Variants in TANC2 observed in about 807,000 individuals in gnomAD.
TANC2 encodes protein TANC2.
Under a neutral mutation model 210.5 loss-of-function variants are expected in TANC2, and 26 were observed. The observed-to-expected ratio is 0.12, with a 90% CI of 0.09 to 0.17. The LOEUF (loss-of-function observed/expected upper bound fraction) is 0.17. Among genes scored for constraint, TANC2 ranks in the 10% least tolerant of loss-of-function variants. The pLI, the probability that TANC2 is intolerant of heterozygous loss-of-function variation, is 1.00. For synonymous variants in TANC2, 931 were observed against 967.1 expected (o/e 0.96, Z 0.69); for missense variants, 2,129 against 2,608.9 (o/e 0.82, Z 4.01).
chr17:63,262,449 T>A (rs1598731377), intron 8 of TANC2, among the ~76,000 whole-genome samples: 1 of 152,164 alleles, frequency 6.6e-6, no homozygotes, highest in East Asian at 1.9e-4. Context: ...CTCAGCCTTC[T>A]TAGTAGCTGG....
chr17:63,051,767 CA>C (rs1362311488), intron 2 of TANC2, among the ~76,000 whole-genome samples: 1 of 152,114 alleles, frequency 6.6e-6, no homozygotes, highest in African/African-American at 2.4e-5. Flanking sequence ...AAACAGTCAA[CA>C]CTTTATTAGA....
chr17:63,031,705 G>C (rs1436491916), intron 2 of TANC2, among the ~76,000 whole-genome samples: 1 of 152,132 alleles, frequency 6.6e-6, no homozygotes. Context: ...TGTGGACCAA[G>C]TAGAGTATTG....
intron 4 of TANC2, among the ~76,000 whole-genome samples, chr17:63,112,421 A>ATGT (rs1323882236): frequency 6.6e-6 from 1 of 152,178 alleles, no homozygotes; most frequent in African/African-American, 2.4e-5. Context: ...ACCAAGAAAA[A>ATGT]TGTCTAACAT....
chr17:63,368,440 G>A (rs1382008984), intron 14 of TANC2, among the ~76,000 whole-genome samples: 1 of 152,202 alleles, frequency 6.6e-6, no homozygotes, highest in Non-Finnish European at 1.5e-5. Context: ...ACTGACAGTA[G>A]AAGCCATAGT....
chr17:63,422,601 T>C (rs1411847273), exon 28 of TANC2: 3 of 152,244 alleles, frequency 2.0e-5, no homozygotes, highest in Non-Finnish European at 4.4e-5. Flanking sequence ...TGTCACTACA[T>C]TGATTTTCCA....
At chr17:63,157,377 G>T (rs947562741) in intron 5 of TANC2, among the ~76,000 whole-genome samples, 4 of 152,172 alleles carry the variant, frequency 2.6e-5, no homozygotes, top group Admixed American at 2.0e-4. Flanking sequence ...AAATCTGAAG[G>T]CTTGGCCTCT....
chr17:63,412,654 C>A lies in TANC2; in HGVS notation c.3899-26C>A. 6.7e-7 allele frequency: 1 copy of A among 1,497,662 alleles called. No homozygotes were observed. Among genetic ancestry groups the A allele is most frequent in the Non-Finnish European group, 8.9e-7 (1 of 1,117,614 alleles). The allele number at this position is 1,497,662 out of a possible 1,614,324, so 92.8% of individuals were successfully genotyped here. On this transcript the variant is annotated intron_variant, in intron 23 of 27. Coordinates refer to ENST00000689528, the Ensembl canonical transcript of TANC2. The surrounding 1 kb of genome is among the most constrained non-coding windows in gnomAD (Gnocchi z 4.2). The stretch of plus-strand genomic sequence containing the variant: ...TCCATTTTTTTTTCCTCTCCTACAA[C>A]TTTTTGTTTTCTCCTTTCTTTGAAG...
intron 3 of TANC2, among the ~76,000 whole-genome samples, chr17:63,074,316 A>G (rs190437291): frequency 1.4e-4 from 21 of 152,246 alleles, no homozygotes; most frequent in African/African-American, 5.1e-4. Flanking sequence ...TTCAACACCA[A>G]CATTTGTTGG....
intron 1 of TANC2, among the ~76,000 whole-genome samples, chr17:62,973,910 C>T (rs4968638): frequency 0.54 from 81,439 of 152,050 alleles, 23,370 homozygotes; most frequent in African/African-American, 0.73. Context: ...AAGAAAGTTC[C>T]ATTGGAACTT....
intron 9 of TANC2, among the ~76,000 whole-genome samples, chr17:63,304,916 T>C (rs535961356): frequency 6.6e-6 from 1 of 152,312 alleles, no homozygotes; most frequent in East Asian, 1.9e-4. Context: ...GACTAAGCCA[T>C]CCATCCTCCC....
At chr17:63,006,275 C>CT (rs1233416860) in intron 1 of TANC2, among the ~76,000 whole-genome samples, 1 of 151,196 alleles carries the variant, frequency 6.6e-6, no homozygotes, top group Non-Finnish European at 1.5e-5. Flanking sequence ...TCATTTTTTT[C>CT]TTTTTACTCT....
At chr17:63,053,375 C>T (rs1211170338) in intron 2 of TANC2, among the ~76,000 whole-genome samples, 7 of 152,232 alleles carry the variant, frequency 4.6e-5, no homozygotes, top group Admixed American at 4.6e-4. Context: ...AATTCTCAAT[C>T]TTCATATTAC....
chr17:63,112,357 A>G (rs772295192), intron 4 of TANC2, among the ~76,000 whole-genome samples: 6 of 152,176 alleles, frequency 3.9e-5, no homozygotes, highest in African/African-American at 7.2e-5. Context: ...TGTTAATCCA[A>G]GGGAATCTAG....
intron 9 of TANC2, among the ~76,000 whole-genome samples, chr17:63,296,525 A>G (rs1427809748): frequency 6.6e-6 from 1 of 152,222 alleles, no homozygotes; most frequent in Non-Finnish European, 1.5e-5. Context: ...ATACACAGAA[A>G]TAGGAAAGTT....
At chr17:63,219,167 A>T (rs573437040) in intron 7 of TANC2, among the ~76,000 whole-genome samples, 1 of 152,226 alleles carries the variant, frequency 6.6e-6, no homozygotes, top group Non-Finnish European at 1.5e-5. Flanking sequence ...TACTGTTAAG[A>T]TGTCAATTCT....
chr17:63,160,677 G>C (rs2039996202), intron 5 of TANC2, among the ~76,000 whole-genome samples: 1 of 152,064 alleles, frequency 6.6e-6, no homozygotes, highest in Non-Finnish European at 1.5e-5. Context: ...CCTTGAAATG[G>C]AATTGATAGA....
intron 7 of TANC2, among the ~76,000 whole-genome samples, chr17:63,222,745 A>G (rs2042228812): frequency 6.6e-6 from 1 of 151,902 alleles, no homozygotes; most frequent in African/African-American, 2.4e-5. Flanking sequence ...ACACACACAC[A>G]CACATACACA....
At chr17:63,388,781 A>G (rs2047866699) in intron 16 of TANC2, 24 bp downstream of exon 16, 4 of 1,480,518 alleles carry the variant, frequency 2.7e-6, no homozygotes, top group Non-Finnish European at 3.6e-6. Flanking sequence ...GAAATTATAA[A>G]TATGATAAGG....
At chr17:63,130,239 T>C (rs1427801389) in intron 4 of TANC2, among the ~76,000 whole-genome samples, 4 of 152,198 alleles carry the variant, frequency 2.6e-5, no homozygotes, top group African/African-American at 9.7e-5. Flanking sequence ...GCCGGCTCAG[T>C]GGCTCACACC....
Sources: allele counts gnomAD v4.1 joint callset (sites outside exome capture counted in the v4.1 genomes callset), GRCh38; gene constraint gnomAD v4.1.1; non-coding constraint Gnocchi (gnomAD v3.1); transcripts MANE v1.5; gene names NCBI Gene and HGNC (gene_info 2026-07-23, HGNC 2026-07-21).